Variants in CTH observed in about 807,000 individuals in gnomAD.
CTH encodes cystathionine gamma-lyase.
Under a neutral mutation model 50.6 loss-of-function variants are expected in CTH, and 41 were observed. The ratio of observed to expected loss-of-function variants is 0.81; its 90% confidence interval spans 0.63 to 1.05. The LOEUF (loss-of-function observed/expected upper bound fraction) is 1.05, where lower values mean the gene tolerates loss of function less well. CTH is among the 50% of genes least tolerant of loss of function. The pLI is 0.00. For missense variants in CTH, 470 were observed against 492.6 expected (o/e 0.95, Z 0.43); for synonymous variants, 156 against 168.9 (o/e 0.92, Z 0.59).
intron 5 of CTH, among the ~76,000 whole-genome samples, chr1:70,425,018 A>C (rs2101743422): frequency 6.6e-6 from 1 of 152,256 alleles, no homozygotes; most frequent in African/African-American, 2.4e-5. Context: ...TACCTTATGC[A>C]TAGTAAGGAC....
At chr1:70,434,088 G>T in intron 9 of CTH, 139 bp downstream of exon 9, 3 of 1,462,780 alleles carry the variant, frequency 2.1e-6, no homozygotes, top group South Asian at 2.5e-5. Context: ...GAAATGCATT[G>T]GGTTGAAAAC....
At chr1:70,419,795 C>T (rs1684173828) in intron 3 of CTH, among the ~76,000 whole-genome samples, 1 of 152,260 alleles carries the variant, frequency 6.6e-6, no homozygotes, top group African/African-American at 2.4e-5. Context: ...TGCCTTTAAG[C>T]CCACTGATTT....
At chr1:70,428,565 T>C (rs906570526) in intron 5 of CTH, among the ~76,000 whole-genome samples, 4 of 151,292 alleles carry the variant, frequency 2.6e-5, no homozygotes, top group African/African-American at 9.7e-5. Context: ...TTCCTTTTCA[T>C]TTTTATTTTT....
chr1:70,426,004 T>C (rs1407010378), intron 5 of CTH, among the ~76,000 whole-genome samples: 1 of 152,184 alleles, frequency 6.6e-6, no homozygotes, highest in Non-Finnish European at 1.5e-5. Context: ...TTTCAATCTA[T>C]GAATTTTGGA....
intron 1 of CTH, among the ~76,000 whole-genome samples, chr1:70,411,852 C>T (rs1683972734): frequency 6.6e-6 from 1 of 152,054 alleles, no homozygotes; most frequent in Non-Finnish European, 1.5e-5. Context: ...GACAAATTTG[C>T]AATTAAAAAT....
At chr1:70,421,520 T>C (rs1292655506) in intron 3 of CTH, 46 bp from the exon 4 acceptor site, 1 of 1,580,634 alleles carries the variant, frequency 6.3e-7, no homozygotes, top group Non-Finnish European at 8.7e-7. Flanking sequence ...TGAATGTTTC[T>C]TAATGCAATG....
rs776335425 is a variant in CTH, at chr1:70,411,478, G to T, written c.63G>T (p.Gln21His). 8.7e-6 allele frequency: 14 copies of T among 1,614,070 alleles called. No individual in the cohort carries two copies. Among genetic ancestry groups the T allele is most frequent in the Non-Finnish European group, 1.1e-5 (13 of 1,180,046 alleles). The change falls in exon 1 of 12, where the codon CAG (glutamine) becomes CAT (histidine). Residue 21 changes from glutamine to histidine, a missense_variant. Transcript: ENST00000370938. Reference sequence around the variant, plus strand: ...CACACTTCCAACATTTCGCCACGCAGGCGATCCATGTGGGCCAGGATCCAG... The same window carrying T: ...CACACTTCCAACATTTCGCCACGCATGCGATCCATGTGGGCCAGGATCCAG... ...FLPHFQHFAT[Q>H]AIHVGQDPEQ...
intron 10 of CTH, among the ~76,000 whole-genome samples, chr1:70,437,535 A>G (rs1335498385): frequency 1.3e-5 from 2 of 152,152 alleles, no homozygotes; most frequent in African/African-American, 4.8e-5. Flanking sequence ...TAACTTTTAT[A>G]AGGCCACATA....
chr1:70,411,285 G>A lies in CTH; in HGVS notation c.-131G>A, dbSNP rs1381921883. ...CGCTGTGTGCCGCTTTAGTGCGCTC[G>A]CCGTCGGCTCTACCTGCGTGCTTTA... On this transcript the variant is annotated 5_prime_UTR_variant, in exon 1 of 12. Transcript: ENST00000370938. 1.1e-6 allele frequency: 1 copy of A among 891,996 alleles called. No homozygotes were observed. 55.3% of individuals were successfully genotyped at this position (891,996 alleles called of 1,614,324 possible).
At position 70,432,337 on chromosome 1, in the gene CTH, A is replaced by G. The variant is rs1684495069; in HGVS notation, c.877+102A>G. On this transcript the variant is annotated intron_variant, in intron 8 of 11. Coordinates refer to ENST00000370938, the MANE Select transcript of CTH (RefSeq NM_001902.6). ...ATTTGTAAGTTAGGTGCTTTCACGT[A>G]TTGTTTTTGTTCATTTATTATTGAG... 21 of 1,408,412 alleles carry G rather than the reference A, an allele frequency of 1.5e-5. No homozygotes were observed. In the South Asian group the frequency reaches 1.8e-4, roughly 12 times the overall value. The allele number at this position is 1,408,412 out of a possible 1,614,324, so 87.2% of individuals were successfully genotyped here.
intron 10 of CTH, among the ~76,000 whole-genome samples, chr1:70,435,509 G>A (rs1684579365): frequency 6.6e-6 from 1 of 151,980 alleles, no homozygotes; most frequent in South Asian, 2.1e-4. Context: ...AGAGGGGATT[G>A]GAGACTTTGT....
chr1:70,414,294 A>G (rs918230293), intron 1 of CTH, among the ~76,000 whole-genome samples: 1 of 151,754 alleles, frequency 6.6e-6, no homozygotes, highest in Non-Finnish European at 1.5e-5. Flanking sequence ...CGGGTGGGTC[A>G]TGAGGTCAGG....
Position 70,415,987 on chromosome 1 carries a change from C to A in CTH, c.200C>A (p.Thr67Asn), listed in dbSNP as rs28941785. Residue 67 changes from threonine (T) to asparagine (N), a missense_variant, in exon 2 of 12, where the codon ACT (threonine) becomes AAT (asparagine). By Grantham distance (65) the Thr-to-Asn change is moderately conservative (BLOSUM62 0). Transcript: ENST00000370938. ...GAATATAGCCGTTCTGGAAATCCCA[C>A]TAGGAATTGCCTTGAAAAAGCAGTG... ...GFEYSRSGNP[T>N]RNCLEKAVAA... 6.2e-7 allele frequency: 1 copy of A among 1,610,916 alleles called. No individual in the cohort carries two copies. The highest frequency in any genetic ancestry group is 8.5e-7 in the Non-Finnish European group (1 of 1,177,078).
chr1:70,429,903 A>G, intron 6 of CTH, 52 bp downstream of exon 6: 1 of 1,339,468 alleles, frequency 7.5e-7, no homozygotes, highest in Non-Finnish European at 1.1e-6. Context: ...AAAATTGCAT[A>G]GGGCTTGGCT....
rs561115717 is a variant in CTH at position 70,424,535 on chromosome 1, A to G, written c.588+119A>G. 5.9e-5 allele frequency: 90 copies of G among 1,521,766 alleles called. No individual in the cohort carries two copies. In the Admixed American group the frequency reaches 9.9e-4, roughly 17 times the overall value. 94.3% of individuals were successfully genotyped at this position (1,521,766 alleles called of 1,614,324 possible). On this transcript the variant is annotated intron_variant, in intron 5 of 11. Coordinates refer to ENST00000370938, the MANE Select transcript of CTH (RefSeq NM_001902.6). ...AATTCATGAAATCTAATCATAATTA[A>G]TTATTTACTGGATCGAGAATTAAAT...
intron 1 of CTH, among the ~76,000 whole-genome samples, chr1:70,414,033 T>C (rs1684033527): frequency 6.6e-6 from 1 of 151,494 alleles, no homozygotes; most frequent in African/African-American, 2.4e-5. Flanking sequence ...CGCCCGGCCC[T>C]TTTTAAAAAT....
In CTH at chr1:70,435,184, A is replaced by G; in HGVS notation, c.1052+7A>G. On this transcript the variant is annotated splice_region_variant and intron_variant, in intron 10 of 11. Coordinates refer to ENST00000370938, the MANE Select transcript of CTH (RefSeq NM_001902.6). ...AAAGCCTTGCTGAGCTTCCGTAAGT[A>G]TAGTTCTGTTTTTCTCAGTATTTTA... 6.2e-7 allele frequency: 1 copy of G among 1,611,858 alleles called. No homozygotes were observed. The highest frequency in any genetic ancestry group is 8.5e-7 in the Non-Finnish European group (1 of 1,178,640).
rs1684487836 is a variant in CTH at position 70,432,115 on chromosome 1, T to C, written c.757T>C (p.Tyr253His). Residue 253 changes from tyrosine to histidine, a missense_variant, in exon 8 of 12, where the codon TAC becomes CAC. Tyr to His is a moderately conservative substitution (Grantham distance 83). Transcript: ENST00000370938. ...AGCAGTTCCATCTCCTATTGATTGT[T>C]ACCTCTGCAATCGAGGTCTGAAGAC... Reference protein sequence around the residue: ...LGAVPSPIDCYLCNRGLKTLH... With the variant: ...LGAVPSPIDCHLCNRGLKTLH... 1.2e-6 allele frequency: 2 copies of C among 1,614,036 alleles called. No individual in the cohort carries two copies. Among genetic ancestry groups the C allele is most frequent in the South Asian group, 1.1e-5 (1 of 91,094 alleles).
intron 3 of CTH, among the ~76,000 whole-genome samples, chr1:70,419,201 AT>A (rs1343627399): frequency 2.0e-5 from 3 of 151,816 alleles, no homozygotes; most frequent in African/African-American, 7.3e-5. Context: ...TATGTGCCAC[AT>A]TTTCTTAATC....
Sources: allele counts gnomAD v4.1 joint callset (sites outside exome capture counted in the v4.1 genomes callset), GRCh38; gene constraint gnomAD v4.1.1; transcripts MANE v1.5; gene names NCBI Gene and HGNC (gene_info 2026-07-23, HGNC 2026-07-21).